The following HS3ST4 variants were observed in gnomAD, a reference collection of about 807,000 sequenced individuals.
HS3ST4 encodes the protein heparan sulfate-glucosamine 3-sulfotransferase 4, also known as heparan sulfate glucosamine 3-O-sulfotransferase 4.
HS3ST4 carries 17 observed loss-of-function variants against 29.2 expected under a neutral mutation model. The observed-to-expected ratio is 0.58, with a 90% CI of 0.40 to 0.87. HS3ST4 has a LOEUF of 0.87. HS3ST4 is among the 40% of genes least tolerant of loss of function. HS3ST4 has a pLI of 0.00. For missense variants in HS3ST4, 627 were observed against 634.5 expected (o/e 0.99, Z 0.13); for synonymous variants, 314 against 285.7 (o/e 1.10, Z -1.00).
chr16:25,746,375 T>G (rs936604060), intron 1 of HS3ST4, among the ~76,000 whole-genome samples: 9 of 152,056 alleles, frequency 5.9e-5, no homozygotes, highest in Non-Finnish European at 1.3e-4. Flanking sequence ...AAACAAATAA[T>G]GGGATTAGAG....
intron 1 of HS3ST4, among the ~76,000 whole-genome samples, chr16:26,029,228 A>G (rs1449870667): frequency 6.6e-6 from 1 of 152,192 alleles, no homozygotes; most frequent in Non-Finnish European, 1.5e-5. Flanking sequence ...AAGAGTTATG[A>G]TGCTGTGGTA....
intron 1 of HS3ST4, among the ~76,000 whole-genome samples, chr16:25,919,868 T>C (rs1342177582): frequency 6.6e-6 from 1 of 151,002 alleles, no homozygotes; most frequent in Non-Finnish European, 1.5e-5. Context: ...AGCTAAAGAA[T>C]GAAATGGAGG....
intron 1 of HS3ST4, among the ~76,000 whole-genome samples, chr16:25,868,335 A>G (rs1251183416): frequency 6.6e-6 from 1 of 152,086 alleles, no homozygotes; most frequent in Non-Finnish European, 1.5e-5. Context: ...TCATTGTAAG[A>G]TACTAAATCC....
intron 1 of HS3ST4, among the ~76,000 whole-genome samples, chr16:25,735,944 G>T (rs1202761692): frequency 6.6e-6 from 1 of 152,092 alleles, no homozygotes; most frequent in Non-Finnish European, 1.5e-5. Context: ...ATTACCAGAA[G>T]ACAGAAGAAA....
intron 1 of HS3ST4, among the ~76,000 whole-genome samples, chr16:26,127,045 G>T (rs1433110595): frequency 6.6e-6 from 1 of 151,988 alleles, no homozygotes; most frequent in African/African-American, 2.4e-5. Context: ...GGGTGGGGGT[G>T]GTGATGAGTC....
intron 1 of HS3ST4, among the ~76,000 whole-genome samples, chr16:25,963,566 G>T (rs563376805): frequency 1.3e-5 from 2 of 152,122 alleles, no homozygotes; most frequent in Admixed American, 6.5e-5. Context: ...CCCATTCCTC[G>T]ACAGAACAAA....
intron 1 of HS3ST4, among the ~76,000 whole-genome samples, chr16:25,873,378 TCATCCATCCATCCATC>T (rs371356328): frequency 3.1e-5 from 3 of 96,758 alleles, no homozygotes; most frequent in Admixed American, 1.0e-4. Flanking sequence ...AGCCATCCAG[TCATCCATCCATCCATC>T]CATCCATCCA....
intron 1 of HS3ST4, among the ~76,000 whole-genome samples, chr16:25,856,461 AG>A (rs1967575068): frequency 1.3e-5 from 2 of 152,120 alleles, no homozygotes; most frequent in Admixed American, 6.6e-5. Flanking sequence ...CCTAAATGAT[AG>A]TGGGGTTTGG....
intron 1 of HS3ST4, among the ~76,000 whole-genome samples, chr16:26,030,840 C>A (rs971907819): frequency 6.6e-6 from 1 of 152,178 alleles, no homozygotes; most frequent in African/African-American, 2.4e-5. Flanking sequence ...ACTCTTTAAG[C>A]CTTATTTTTC....
chr16:25,801,116 A>T (rs1418089236), intron 1 of HS3ST4, among the ~76,000 whole-genome samples: 3 of 152,098 alleles, frequency 2.0e-5, no homozygotes, highest in Non-Finnish European at 4.4e-5. Context: ...ACAAGCTCCC[A>T]GGTAATGTTG....
intron 1 of HS3ST4, among the ~76,000 whole-genome samples, chr16:26,082,776 C>T (rs1449740411): frequency 6.6e-6 from 1 of 152,192 alleles, no homozygotes; most frequent in Non-Finnish European, 1.5e-5. Context: ...CATCCGTCAT[C>T]CTGGAATTCC....
At chr16:25,725,968 A>G (rs1966532226) in intron 1 of HS3ST4, among the ~76,000 whole-genome samples, 1 of 152,174 alleles carries the variant, frequency 6.6e-6, no homozygotes, top group Admixed American at 6.5e-5. Context: ...AATGCATTTT[A>G]TATAATGACC....
At chr16:25,835,661 TAA>T (rs1412407978) in intron 1 of HS3ST4, among the ~76,000 whole-genome samples, 1 of 152,178 alleles carries the variant, frequency 6.6e-6, no homozygotes, top group Non-Finnish European at 1.5e-5. Flanking sequence ...TCAGGTCCAG[TAA>T]GTGGAGAAGT....
intron 1 of HS3ST4, among the ~76,000 whole-genome samples, chr16:25,918,607 G>A (rs959692477): frequency 2.0e-5 from 3 of 152,214 alleles, no homozygotes; most frequent in African/African-American, 2.4e-5. Flanking sequence ...ATGAAGGCAG[G>A]TCTCCAGGAA....
Position 25,692,582 on chromosome 16 carries a change from C to T in HS3ST4, c.165C>T (p.Gly55=). ...VTYLCYSLLG[G]SGSLQFPLAL... ...ACCTGTGCTACAGCCTCCTGGGCGG[C>T]TCGGGCTCCCTGCAATTCCCTCTGG... The change falls in exon 1 of 2, where the codon GGC becomes GGT. Residue 55 remains glycine, a synonymous_variant. Coordinates refer to ENST00000331351, the MANE Select transcript of HS3ST4 (RefSeq NM_006040.3). 3 of 1,424,278 alleles carry T rather than the reference C, an allele frequency of 2.1e-6. No individual in the cohort carries two copies. The highest frequency in any genetic ancestry group is 2.4e-5 in the Admixed American group (1 of 42,134). The allele number at this position is 1,424,278 out of a possible 1,614,324, so 88.2% of individuals were successfully genotyped here. A position where few individuals can be genotyped will look rare whatever the true frequency, so the allele number is the denominator to read the frequency against.
intron 1 of HS3ST4, among the ~76,000 whole-genome samples, chr16:25,900,244 C>T (rs1289446840): frequency 1.3e-5 from 2 of 152,118 alleles, no homozygotes; most frequent in African/African-American, 4.8e-5. Context: ...CTATGTTCTT[C>T]TGTTTCCCGA....
chr16:25,789,403 T>C (rs1053177238), intron 1 of HS3ST4, among the ~76,000 whole-genome samples: 2 of 72,744 alleles, frequency 2.7e-5, no homozygotes. Context: ...TTCTTTGTTT[T>C]TTCCTTCCTT....
chr16:26,044,522 T>G (rs1898242872), intron 1 of HS3ST4, among the ~76,000 whole-genome samples: 1 of 152,230 alleles, frequency 6.6e-6, no homozygotes. Flanking sequence ...TGGAAGCTCC[T>G]GCACTTGGGT....
chr16:25,730,440 C>T (rs559090667), intron 1 of HS3ST4, among the ~76,000 whole-genome samples: 1 of 146,026 alleles, frequency 6.8e-6, no homozygotes, highest in South Asian at 2.3e-4. Context: ...CTCTCTTCCT[C>T]CCTCTCTCCC....
Sources: allele counts gnomAD v4.1 joint callset (sites outside exome capture counted in the v4.1 genomes callset), GRCh38; gene constraint gnomAD v4.1.1; transcripts MANE v1.5; gene names NCBI Gene and HGNC (gene_info 2026-07-23, HGNC 2026-07-21).